ALDH6A1: variants seen among roughly 807,000 people sequenced by gnomAD.
The protein encoded by ALDH6A1 is methylmalonate-semialdehyde/malonate-semialdehyde dehydrogenase [acylating], mitochondrial.
Under a neutral mutation model 62.6 loss-of-function variants are expected in ALDH6A1, and 43 were observed. The ratio of observed to expected loss-of-function variants is 0.69; its 90% confidence interval spans 0.54 to 0.89. The LOEUF (loss-of-function observed/expected upper bound fraction) is 0.89, where lower values mean the gene tolerates loss of function less well. Among genes scored for constraint, ALDH6A1 ranks in the 40% least tolerant of loss-of-function variants. The pLI, the probability that ALDH6A1 is intolerant of heterozygous loss-of-function variation, is 0.00. For synonymous variants in ALDH6A1, 194 were observed against 234.2 expected, an observed-to-expected ratio of 0.83 and a Z score of 1.57; for missense variants, 551 against 661.3, an observed-to-expected ratio of 0.83 and a Z score of 1.83.
At chr14:74,064,285 G>A (rs1158090072) in intron 11 of ALDH6A1, among the ~76,000 whole-genome samples, 6 of 140,062 alleles carry the variant, frequency 4.3e-5, no homozygotes, top group East Asian at 4.5e-4. Context: ...GCAACAGAGC[G>A]AGACTGTGTC....
intron 1 of ALDH6A1, chr14:74,078,362 T>A (rs1159225593): frequency 2.9e-6 from 1 of 339,048 alleles, no homozygotes; most frequent in Non-Finnish European, 5.7e-6. Flanking sequence ...GGTATATACT[T>A]TTTTTTTTTG....
rs187800951 is a variant in ALDH6A1, at chr14:74,060,660, C to T, written c.1590G>A (p.Met530Ile). ...CTTGTTTCTAACGGCCCATGGTAGG[C>T]ATGACAACAGCAGGTGAGGAAAGAG... ...DATLSSPAVVMPTMGR is the reference protein window; with the variant it reads ...DATLSSPAVVIPTMGR The change falls in exon 12 of 12, where the codon ATG becomes ATA. Residue 530 changes from methionine (M) to isoleucine (I), a missense_variant. By Grantham distance (10) the Met-to-Ile change is conservative (BLOSUM62 1). Transcript: ENST00000553458. 6 of 1,612,256 alleles carry T rather than the reference C, an allele frequency of 3.7e-6. No individual in the cohort carries two copies. In the African/African-American group the frequency reaches 8.0e-5, roughly 21 times the overall value.
intron 1 of ALDH6A1, among the ~76,000 whole-genome samples, chr14:74,075,562 T>C (rs1390559650): frequency 6.6e-6 from 1 of 151,586 alleles, no homozygotes; most frequent in African/African-American, 2.4e-5. Flanking sequence ...GAGGCCAAGG[T>C]GGGAGGATTG....
chr14:74,057,319 C>G lies in ALDH6A1; in HGVS notation c.*3323G>C. On this transcript the variant is annotated 3_prime_UTR_variant, in exon 12 of 12. Coordinates refer to ENST00000553458, the MANE Select transcript of ALDH6A1 (RefSeq NM_005589.4). ...GTTGTCACCCTTCCCCATGTCGCTT[C>G]TTGCTAAATCACGGTTATTTTCTCT... is the stretch of plus-strand genomic sequence containing the variant. 6.2e-7 allele frequency: 1 copy of G among 1,608,552 alleles called. No homozygotes were observed. Among genetic ancestry groups the G allele is most frequent in the Non-Finnish European group, 8.5e-7 (1 of 1,177,214 alleles).
chr14:74,060,516 G>T lies in ALDH6A1; in HGVS notation c.*126C>A. On this transcript the variant is annotated 3_prime_UTR_variant, in exon 12 of 12. Coordinates refer to ENST00000553458, the MANE Select transcript of ALDH6A1 (RefSeq NM_005589.4). Reference sequence around the variant, plus strand: ...AAACTTTGCGGGGGTTAATAGTCCTGAGGAAGATTTTAGTTACAATGTATT... The same window carrying T: ...AAACTTTGCGGGGGTTAATAGTCCTTAGGAAGATTTTAGTTACAATGTATT... 1.3e-6 allele frequency: 1 copy of T among 782,306 alleles called. No homozygotes were observed. 48.5% of individuals were successfully genotyped at this position (782,306 alleles called of 1,614,324 possible).
At chr14:74,078,245 CCTA>C in intron 1 of ALDH6A1, 1 of 456,030 alleles carries the variant, frequency 2.2e-6, no homozygotes, top group South Asian at 1.5e-5. Flanking sequence ...TACTAGCAAA[CCTA>C]CAAAACTGAA....
chr14:74,063,791 G>C (rs1478621600), intron 11 of ALDH6A1, among the ~76,000 whole-genome samples: 2 of 149,020 alleles, frequency 1.3e-5, no homozygotes, highest in Non-Finnish European at 3.0e-5. Flanking sequence ...GCTTGAACCT[G>C]GGAGGCGGAG....
At chr14:74,069,095 C>CA in intron 6 of ALDH6A1, 114 bp from the exon 7 acceptor site, 3 of 633,208 alleles carry the variant, frequency 4.7e-6, no homozygotes, top group Non-Finnish European at 7.3e-6. Flanking sequence ...TTTTCTTTTA[C>CA]TTTTTCTTTT....
rs1190313625 is a variant in ALDH6A1, at chr14:74,072,592, A to G, written c.131T>C (p.Ile44Thr). The G allele has an allele frequency of 6.2e-7, 1 of 1,613,970 alleles. No homozygotes were observed. The highest frequency in any genetic ancestry group is 8.5e-7 in the Non-Finnish European group (1 of 1,180,026). The change falls in exon 3 of 12, where the codon ATT (isoleucine) becomes ACT (threonine). Residue 44 changes from isoleucine (I) to threonine (T), a missense_variant. Ile to Thr is a moderately conservative substitution (Grantham distance 89). Coordinates refer to ENST00000553458, the MANE Select transcript of ALDH6A1 (RefSeq NM_005589.4). ...SSSVPTVKLF[I>T]GGKFVESKSD... is the part of the protein sequence containing the mutation. ...TTTGGATTCAACGAATTTCCCACCA[A>G]TGAAGAGCTTTACAGTTGGCTGAAA... is the stretch of plus-strand genomic sequence containing the variant.
chr14:74,077,077 C>G (rs766126735), intron 1 of ALDH6A1, among the ~76,000 whole-genome samples: 2 of 152,162 alleles, frequency 1.3e-5, no homozygotes, highest in African/African-American at 4.8e-5. Context: ...CTTCCAAATA[C>G]CTCATCTGTT....
intron 11 of ALDH6A1, among the ~76,000 whole-genome samples, chr14:74,062,893 C>T (rs925133980): frequency 5.9e-5 from 9 of 152,168 alleles, no homozygotes; most frequent in African/African-American, 2.2e-4. Flanking sequence ...GGCTCTAGTC[C>T]TATGACTAGA....
intron 11 of ALDH6A1, 70 bp from the exon 12 acceptor site, chr14:74,060,816 G>T: frequency 1.8e-6 from 2 of 1,137,802 alleles, no homozygotes. Flanking sequence ...ATTAGCTTTT[G>T]AAGGAGGTAT....
chr14:74,066,798 C>T lies in ALDH6A1; in HGVS notation c.1131G>A (p.Glu377=), dbSNP rs1566829922. The change falls in exon 9 of 12, where the codon GAG becomes GAA. Residue 377 remains glutamate (E), a synonymous_variant. Coordinates refer to ENST00000553458, the MANE Select transcript of ALDH6A1 (RefSeq NM_005589.4). ...VCNLIDSGTK[E]GASILLDGRK... ...GTCCATCAAGAAGGATGGAAGCTCC[C>T]TCCTTTGTTCCACTATCAATCAGAT... The T allele has an allele frequency of 2.5e-6, 4 of 1,613,688 alleles. No individual in the cohort carries two copies. Among genetic ancestry groups the T allele is most frequent in the Non-Finnish European group, 3.4e-6 (4 of 1,179,784 alleles).
intron 1 of ALDH6A1, among the ~76,000 whole-genome samples, chr14:74,075,671 A>G (rs1232322382): frequency 6.6e-6 from 1 of 152,108 alleles, no homozygotes; most frequent in African/African-American, 2.4e-5. Flanking sequence ...AAAAAAATCA[A>G]TGTAAATATA....
At position 74,060,652 on chromosome 14, in the gene ALDH6A1, A is replaced by G. The variant is rs985938934; in HGVS notation, c.1598T>C (p.Met533Thr). ...LSSPAVVMPT[M>T]GR Reference sequence around the variant, plus strand: ...TAAACAAACTTGTTTCTAACGGCCCATGGTAGGCATGACAACAGCAGGTGA... The same window carrying G: ...TAAACAAACTTGTTTCTAACGGCCCGTGGTAGGCATGACAACAGCAGGTGA... Residue 533 changes from methionine to threonine, a missense_variant, in exon 12 of 12, where the codon ATG becomes ACG. Coordinates refer to ENST00000553458, the MANE Select transcript of ALDH6A1 (RefSeq NM_005589.4). 1.9e-6 allele frequency: 3 copies of G among 1,610,640 alleles called. No individual in the cohort carries two copies. The highest frequency in any genetic ancestry group is 2.2e-5 in the East Asian group (1 of 44,868).
Position 74,077,908 on chromosome 14 carries a change from T to A in ALDH6A1, c.49-2891A>T, listed in dbSNP as rs551251684. The stretch of plus-strand genomic sequence containing the variant: ...TCAGGACTGTCCAGTTATAGAAAAG[T>A]AGTTAGCACAAAGCTGGTACTCATT... On this transcript the variant is annotated intron_variant, in intron 1 of 11. Transcript: ENST00000553458. Among the ~76,000 whole-genome samples, 7 of 152,282 alleles carry A rather than the reference T, an allele frequency of 4.6e-5. No individual in the cohort carries two copies. In the South Asian group the frequency reaches 1.5e-3, roughly 32 times the overall value.
Position 74,057,892 on chromosome 14 carries a change from T to A in ALDH6A1, c.*2750A>T. On this transcript the variant is annotated 3_prime_UTR_variant, in exon 12 of 12. Coordinates refer to ENST00000553458, the MANE Select transcript of ALDH6A1 (RefSeq NM_005589.4). ...TCTAATTAGAGCATCACAGTTCTGA[T>A]TAGTGTGTTTTTTTAGAAGTGATTT... The A allele has an allele frequency of 2.0e-6, 2 of 999,156 alleles. No homozygotes were observed. The highest frequency in any genetic ancestry group is 2.4e-6 in the Non-Finnish European group (2 of 838,462). The allele number at this position is 999,156 out of a possible 1,614,324, so 61.9% of individuals were successfully genotyped here.
chr14:74,060,518 G>T lies in ALDH6A1; in HGVS notation c.*124C>A. The T allele has an allele frequency of 5.1e-6, 4 of 790,470 alleles. No individual in the cohort carries two copies. The South Asian group carries it at 5.7e-5, about 11-fold the overall frequency. The allele number at this position is 790,470 out of a possible 1,614,324, so 49.0% of individuals were successfully genotyped here. A position where few individuals can be genotyped will look rare whatever the true frequency, so the allele number is the denominator to read the frequency against. ...ACTTTGCGGGGGTTAATAGTCCTGA[G>T]GAAGATTTTAGTTACAATGTATTCC... is the stretch of plus-strand genomic sequence containing the variant. On this transcript the variant is annotated 3_prime_UTR_variant, in exon 12 of 12. Coordinates refer to ENST00000553458, the MANE Select transcript of ALDH6A1 (RefSeq NM_005589.4).
chr14:74,072,209 T>A lies in ALDH6A1; in HGVS notation c.342A>T (p.Glu114Asp). The A allele has an allele frequency of 5.6e-6, 9 of 1,614,212 alleles. No individual in the cohort carries two copies. Among genetic ancestry groups the A allele is most frequent in the Non-Finnish European group, 7.6e-6 (9 of 1,180,036 alleles). ...TACCATTTAGATTTCATACCAAGTT[T>A]TCTTTAATAAGTTGTTGATAGCGGA... ...VLLRYQQLIK[E>D]NLKEIAKLIT... The change falls in exon 4 of 12, where the codon GAA becomes GAT. Residue 114 changes from glutamate (E) to aspartate (D), a missense_variant. Transcript: ENST00000553458.
Sources: allele counts gnomAD v4.1 joint callset (sites outside exome capture counted in the v4.1 genomes callset), GRCh38; gene constraint gnomAD v4.1.1; transcripts MANE v1.5; gene names NCBI Gene and HGNC (gene_info 2026-07-23, HGNC 2026-07-21).